Variants in KCTD16 observed in about 807,000 individuals in gnomAD.
The protein encoded by KCTD16 is potassium channel tetramerization domain containing 16.
A neutral mutation model predicts 33.2 loss-of-function variants in KCTD16; 13 were observed. The observed-to-expected ratio is 0.39, with a 90% CI of 0.25 to 0.62. KCTD16 has a LOEUF of 0.62. Among genes scored for constraint, KCTD16 ranks in the 20% least tolerant of loss-of-function variants. The pLI is 0.50. For synonymous variants in KCTD16, 197 were observed against 195.3 expected, an observed-to-expected ratio of 1.01 and a Z score of -0.07; for missense variants, 441 against 525.1, an observed-to-expected ratio of 0.84 and a Z score of 1.57.
intron 3 of KCTD16, among the ~76,000 whole-genome samples, chr5:144,331,716 A>T (rs1561570211): frequency 6.6e-6 from 1 of 152,172 alleles, no homozygotes; most frequent in Non-Finnish European, 1.5e-5. Context: ...TTCTAACAAT[A>T]TCCTAGGAAG....
At chr5:144,415,736 T>C (rs141677340) in intron 3 of KCTD16, among the ~76,000 whole-genome samples, 340 of 152,314 alleles carry the variant, frequency 2.2e-3, no homozygotes, top group Non-Finnish European at 3.3e-3. Flanking sequence ...TGAAAACATA[T>C]GTTTGAAGTG....
chr5:144,452,563 A>G (rs1468611801), intron 3 of KCTD16, among the ~76,000 whole-genome samples: 1 of 152,026 alleles, frequency 6.6e-6, no homozygotes, highest in Admixed American at 6.6e-5. Flanking sequence ...GAGTATCTCT[A>G]TTTAAAAATA....
chr5:144,219,513 CT>C (rs59442398), intron 3 of KCTD16, among the ~76,000 whole-genome samples: 2,393 of 77,034 alleles, frequency 0.031, 3 homozygotes, highest in Non-Finnish European at 0.044. Context: ...TGTGCTGGGC[CT>C]TTTTTTTTTT....
intron 3 of KCTD16, among the ~76,000 whole-genome samples, chr5:144,403,263 G>A (rs1298812093): frequency 6.6e-6 from 1 of 152,170 alleles, no homozygotes; most frequent in Non-Finnish European, 1.5e-5. Context: ...TGGTACCTAT[G>A]AATGTGACCT....
At chr5:144,335,861 A>T (rs1752477683) in intron 3 of KCTD16, among the ~76,000 whole-genome samples, 1 of 152,204 alleles carries the variant, frequency 6.6e-6, no homozygotes, top group African/African-American at 2.4e-5. Context: ...GATCATGAAG[A>T]GTCATGCTGA....
intron 3 of KCTD16, among the ~76,000 whole-genome samples, chr5:144,395,480 A>G (rs1752548345): frequency 6.6e-6 from 1 of 152,136 alleles, no homozygotes; most frequent in South Asian, 2.1e-4. Flanking sequence ...TGGATATATT[A>G]AGGGCAAATA....
intron 3 of KCTD16, among the ~76,000 whole-genome samples, chr5:144,398,454 A>C (rs1481442776): frequency 1.3e-5 from 2 of 152,162 alleles, no homozygotes; most frequent in African/African-American, 4.8e-5. Flanking sequence ...AGCTTATGCT[A>C]ATTTACATAG....
At chr5:144,410,906 C>T (rs898571402) in intron 3 of KCTD16, among the ~76,000 whole-genome samples, 119 of 152,124 alleles carry the variant, frequency 7.8e-4, no homozygotes, top group Non-Finnish European at 1.6e-4. Context: ...CTATCGTTCC[C>T]TACCCTCTCA....
At chr5:144,312,438 C>T (rs1050255998) in intron 3 of KCTD16, among the ~76,000 whole-genome samples, 1 of 152,152 alleles carries the variant, frequency 6.6e-6, no homozygotes, top group Non-Finnish European at 1.5e-5. Flanking sequence ...CCCTAAGCCC[C>T]TCCTATATAG....
chr5:144,375,409 C>T (rs1177714581), intron 3 of KCTD16, among the ~76,000 whole-genome samples: 2 of 152,114 alleles, frequency 1.3e-5, no homozygotes, highest in Admixed American at 6.5e-5. Flanking sequence ...TGATCTAGTT[C>T]TCATCTATGA....
At chr5:144,362,625 A>C (rs1475709843) in intron 3 of KCTD16, among the ~76,000 whole-genome samples, 1 of 152,192 alleles carries the variant, frequency 6.6e-6, no homozygotes, top group East Asian at 1.9e-4. Flanking sequence ...TAATTATTTT[A>C]AAGGGTTATT....
At chr5:144,342,912 C>T (rs1580887410) in intron 3 of KCTD16, among the ~76,000 whole-genome samples, 1 of 152,180 alleles carries the variant, frequency 6.6e-6, no homozygotes, top group South Asian at 2.1e-4. Flanking sequence ...ACCAGCCTTG[C>T]ATCCCAGGGA....
Position 144,279,107 on chromosome 5 carries a change from G to GA in KCTD16, c.832+71568dup, listed in dbSNP as rs567328422. Among the ~76,000 whole-genome samples, 196 of 152,054 alleles carry GA rather than the reference G, an allele frequency of 1.3e-3. 1 individual carries two copies. The highest frequency in any genetic ancestry group is 4.2e-3 in the African/African-American group (174 of 41,480). On this transcript the variant is annotated intron_variant, in intron 3 of 3. Transcript: ENST00000512467. ...GTTTTCCAATTGGTTATTGCTTATTGAAAAAAATGAGATTGATTTTTGTGT... is the reference window on the plus strand; with the variant it reads ...GTTTTCCAATTGGTTATTGCTTATTGAAAAAAAATGAGATTGATTTTTGTGT...
Position 144,206,862 on chromosome 5 carries a change from C to G in KCTD16, c.148C>G (p.Leu50Val). Residue 50 changes from leucine (L) to valine (V), a missense_variant, in exon 3 of 4, where the codon CTC becomes GTC. Leu to Val is a conservative substitution (Grantham distance 32, BLOSUM62 1). Coordinates refer to ENST00000512467, the MANE Select transcript of KCTD16 (RefSeq NM_020768.4). Reference sequence around the variant, plus strand: ...CACATTGATAAGCATCCCTCATTCCCTCCTGTGGAAAATGTTTTCCCCAAA... The same window carrying G: ...CACATTGATAAGCATCCCTCATTCCGTCCTGTGGAAAATGTTTTCCCCAAA... ...HSTLISIPHS[L>V]LWKMFSPKRD... 6.2e-7 allele frequency: 1 copy of G among 1,614,184 alleles called. No homozygotes were observed. The highest frequency in any genetic ancestry group is 8.5e-7 in the Non-Finnish European group (1 of 1,180,032).
At chr5:144,213,539 T>C (rs1753466510) in intron 3 of KCTD16, among the ~76,000 whole-genome samples, 1 of 152,182 alleles carries the variant, frequency 6.6e-6, no homozygotes, top group East Asian at 1.9e-4. Context: ...CGTGATATTA[T>C]GAACACACCC....
chr5:144,229,700 C>T (rs1215033715), intron 3 of KCTD16, among the ~76,000 whole-genome samples: 2 of 152,092 alleles, frequency 1.3e-5, no homozygotes, highest in African/African-American at 4.8e-5. Flanking sequence ...TCTCTCTTAC[C>T]CACTGTGCAT....
intron 1 of KCTD16, among the ~76,000 whole-genome samples, chr5:144,171,310 G>C (rs1222333238): frequency 2.6e-5 from 4 of 152,144 alleles, no homozygotes; most frequent in Admixed American, 2.0e-4. Flanking sequence ...GGGTGAGTGG[G>C]AGTTAGAGAA....
intron 2 of KCTD16, among the ~76,000 whole-genome samples, chr5:144,191,639 G>C (rs1389817450): frequency 1.3e-5 from 2 of 152,020 alleles, no homozygotes; most frequent in Non-Finnish European, 2.9e-5. Flanking sequence ...TCCTTCCTCA[G>C]ATTTCTTTAA....
chr5:144,378,516 A>T (rs768220692), intron 3 of KCTD16, among the ~76,000 whole-genome samples: 1 of 152,168 alleles, frequency 6.6e-6, no homozygotes, highest in Admixed American at 6.6e-5. Flanking sequence ...AAAATTCTGG[A>T]AATAATTACT....
Sources: allele counts gnomAD v4.1 joint callset (sites outside exome capture counted in the v4.1 genomes callset), GRCh38; gene constraint gnomAD v4.1.1; transcripts MANE v1.5; gene names NCBI Gene and HGNC (gene_info 2026-07-23, HGNC 2026-07-21).